The following MCM6 variants were observed in gnomAD, a reference collection of about 807,000 sequenced individuals.
The protein encoded by MCM6 is DNA replication licensing factor MCM6.
In MCM6, 46 loss-of-function variants were observed where a neutral mutation model predicts 94.3. The observed-to-expected ratio is 0.49, with a 90% CI of 0.39 to 0.62. The LOEUF (loss-of-function observed/expected upper bound fraction) is 0.62, where lower values mean the gene tolerates loss of function less well. MCM6 is among the 20% of genes least tolerant of loss of function. The pLI, the probability that MCM6 is intolerant of heterozygous loss-of-function variation, is 0.00. For missense variants in MCM6, 865 were observed against 1,017.9 expected (o/e 0.85, Z 2.04); for synonymous variants, 335 against 351.9 (o/e 0.95, Z 0.54).
intron 14 of MCM6, among the ~76,000 whole-genome samples, chr2:135,847,594 C>T (rs1345088990): frequency 6.6e-6 from 1 of 152,146 alleles, no homozygotes; most frequent in Non-Finnish European, 1.5e-5. Flanking sequence ...GACAGAGTCT[C>T]GCTCTGTCAC....
intron 16 of MCM6, 94 bp from the exon 17 acceptor site, chr2:135,841,045 T>C (rs867411960): frequency 1.1e-6 from 1 of 879,678 alleles, no homozygotes; most frequent in Middle Eastern, 2.6e-4. Context: ...GTGTTTGCTA[T>C]CAACATTTTC....
In MCM6 at chr2:135,868,869, A is replaced by C; in HGVS notation, c.366-9T>G. ...AGGTGAGCTCTCGAATCCTGTTTAA[A>C]GACAAATGTCCCATTAGTAAACATT... On this transcript the variant is annotated splice_polypyrimidine_tract_variant and intron_variant, in intron 3 of 16. Transcript: ENST00000264156. 6.2e-7 allele frequency: 1 copy of C among 1,612,970 alleles called. No individual in the cohort carries two copies. Among genetic ancestry groups the C allele is most frequent in the Non-Finnish European group, 8.5e-7 (1 of 1,178,984 alleles).
Position 135,847,389 on chromosome 2 carries a change from G to A in MCM6, c.2053+664C>T, listed in dbSNP as rs116080791. 3.5e-3 allele frequency among the ~76,000 whole-genome samples: 529 copies of A among 152,138 alleles called. 2 individuals are homozygous for A. Among genetic ancestry groups the A allele is most frequent in the African/African-American group, 0.012 (484 of 41,514 alleles). ...GAGTGTACCAAGGCATTCAAGCCTG[G>A]GTGACAGAATGAGACCCCATCTCAA... On this transcript the variant is annotated intron_variant, in intron 14 of 16. Transcript: ENST00000264156.
At chr2:135,860,801 T>C (rs528516369) in intron 8 of MCM6, among the ~76,000 whole-genome samples, 5 of 152,326 alleles carry the variant, frequency 3.3e-5, no homozygotes, top group South Asian at 2.1e-4. Flanking sequence ...CTGAATGTTT[T>C]GCCCCTAAGA....
chr2:135,859,842 C>T (rs936738241), intron 8 of MCM6, among the ~76,000 whole-genome samples: 1 of 151,908 alleles, frequency 6.6e-6, no homozygotes, highest in Non-Finnish European at 1.5e-5. Flanking sequence ...CTTGCTCTGT[C>T]GCCCAGGCTG....
At chr2:135,872,128 T>C (rs1680211891) in intron 2 of MCM6, among the ~76,000 whole-genome samples, 1 of 152,050 alleles carries the variant, frequency 6.6e-6, no homozygotes, top group African/African-American at 2.4e-5. Context: ...AGCAAAGATT[T>C]TCAACATTTG....
chr2:135,843,694 C>A (rs970364614), intron 16 of MCM6, among the ~76,000 whole-genome samples: 5 of 144,190 alleles, frequency 3.5e-5, no homozygotes, highest in Non-Finnish European at 7.5e-5. Context: ...TATGCCACTG[C>A]ACTCCAGCAT....
Position 135,860,370 on chromosome 2 carries a change from A to AGG in MCM6, c.1221-929_1221-928insCC, listed in dbSNP as rs1161726443. Among the ~76,000 whole-genome samples, 14 of 148,316 alleles carry AGG rather than the reference A, an allele frequency of 9.4e-5. No homozygotes were observed. The East Asian group carries it at 2.5e-3, about 26-fold the overall frequency. On this transcript the variant is annotated intron_variant, in intron 8 of 16. Coordinates refer to ENST00000264156, the MANE Select transcript of MCM6 (RefSeq NM_005915.6). Reference sequence around the variant, plus strand: ...AGGACGGTCTCGATCTCCTGACCTCATGATCCACCCACCTCAGCCTCCCAA... The same window carrying AGG: ...AGGACGGTCTCGATCTCCTGACCTCAGGTGATCCACCCACCTCAGCCTCCCAA...
At position 135,873,169 on chromosome 2, in the gene MCM6, C is replaced by T. The variant is rs141209291; in HGVS notation, c.108-326G>A. 3.9e-5 allele frequency among the ~76,000 whole-genome samples: 6 copies of T among 152,284 alleles called. No individual in the cohort carries two copies. The East Asian group carries it at 1.2e-3, about 29-fold the overall frequency. On this transcript the variant is annotated intron_variant, in intron 1 of 16. Transcript: ENST00000264156. ...AAAAAGAGGAGTTCCTCTGCACAAGCTCTCTTTGCCTGATGCCATCCACGT... is the reference window on the plus strand; with the variant it reads ...AAAAAGAGGAGTTCCTCTGCACAAGTTCTCTTTGCCTGATGCCATCCACGT...
At chr2:135,863,605 C>T (rs1300053750) in intron 7 of MCM6, among the ~76,000 whole-genome samples, 1 of 151,990 alleles carries the variant, frequency 6.6e-6, no homozygotes, top group African/African-American at 2.4e-5. Flanking sequence ...GTGGCAGGCG[C>T]CTGTAGTCCC....
chr2:135,864,817 C>T (rs1680061140), intron 7 of MCM6, among the ~76,000 whole-genome samples, 196 bp downstream of exon 7: 1 of 152,150 alleles, frequency 6.6e-6, no homozygotes, highest in Admixed American at 6.5e-5. Flanking sequence ...CTCTATCCTA[C>T]CGTGTCTCTA....
chr2:135,843,027 T>G (rs1212746611), intron 16 of MCM6, among the ~76,000 whole-genome samples: 2 of 152,164 alleles, frequency 1.3e-5, no homozygotes, highest in African/African-American at 2.4e-5. Context: ...ATGAGGCTTC[T>G]GCAACAGTCC....
intron 13 of MCM6, among the ~76,000 whole-genome samples, chr2:135,849,953 G>A (rs923004175): frequency 1.3e-5 from 2 of 152,080 alleles, no homozygotes; most frequent in African/African-American, 4.8e-5. Flanking sequence ...ATATATTTGT[G>A]TATATAATTT....
intron 12 of MCM6, 80 bp downstream of exon 12, chr2:135,852,707 A>G: frequency 9.5e-7 from 1 of 1,048,818 alleles, no homozygotes; most frequent in Non-Finnish European, 1.3e-6. Context: ...AGGTTCAGTT[A>G]ATTTCCATAT....
intron 8 of MCM6, 123 bp from the exon 9 acceptor site, chr2:135,859,565 A>G (rs528260877): frequency 3.3e-6 from 2 of 602,226 alleles, no homozygotes; most frequent in African/African-American, 3.8e-5. Flanking sequence ...ATTCATGAAG[A>G]CACATGCCAC....
In MCM6 at chr2:135,865,006, T is replaced by A; in HGVS notation, c.1078+7A>T. The A allele has an allele frequency of 7.2e-7, 1 of 1,398,158 alleles. No homozygotes were observed. The highest frequency in any genetic ancestry group is 9.4e-7 in the Non-Finnish European group (1 of 1,066,024). 86.6% of individuals were successfully genotyped at this position (1,398,158 alleles called of 1,614,324 possible). A position where few individuals can be genotyped will look rare whatever the true frequency, so the allele number is the denominator to read the frequency against. ...AAGTTTATGGTACAAATGGATGGAA[T>A]TCTTACCATGTATAGTAGGGAACAG... On this transcript the variant is annotated splice_region_variant and intron_variant, in intron 7 of 16. Coordinates refer to ENST00000264156, the MANE Select transcript of MCM6 (RefSeq NM_005915.6).
chr2:135,860,887 T>C (rs1458561624), intron 8 of MCM6, among the ~76,000 whole-genome samples: 2 of 152,122 alleles, frequency 1.3e-5, no homozygotes, highest in Non-Finnish European at 1.5e-5. Context: ...CAAGGACAAT[T>C]AGGCAAGAAA....
chr2:135,854,690 T>C (rs994194955), intron 11 of MCM6, among the ~76,000 whole-genome samples: 2 of 151,444 alleles, frequency 1.3e-5, no homozygotes, highest in Non-Finnish European at 2.9e-5. Context: ...CTGGGCAACA[T>C]GGCAAAATCC....
chr2:135,874,440 C>T (rs1295338615), intron 1 of MCM6, among the ~76,000 whole-genome samples: 2 of 152,098 alleles, frequency 1.3e-5, no homozygotes, highest in East Asian at 3.9e-4. Context: ...AATAACATTG[C>T]CATAGGTAGT....
Sources: gnomAD v4.1 joint callset for allele counts (sites outside exome capture counted in the v4.1 genomes callset) on GRCh38, gnomAD v4.1.1 for gene constraint, MANE v1.5 for transcripts, NCBI Gene and HGNC (gene_info 2026-07-23, HGNC 2026-07-21) for gene names.